PPP2R2C: variants seen among roughly 807,000 people sequenced by gnomAD.
The protein encoded by PPP2R2C is protein phosphatase 2 regulatory subunit Bgamma.
PPP2R2C carries 10 observed loss-of-function variants against 45.3 expected under a neutral mutation model. The observed-to-expected ratio is 0.22, with a 90% CI of 0.14 to 0.37. The LOEUF is 0.37. Among genes scored for constraint, PPP2R2C ranks in the 10% least tolerant of loss-of-function variants. The pLI is 1.00. For missense variants in PPP2R2C, 308 were observed against 619.7 expected, an observed-to-expected ratio of 0.50 and a Z score of 5.34; for synonymous variants, 257 against 245.4, an observed-to-expected ratio of 1.05 and a Z score of -0.44.
At chr4:6,537,969 C>T (rs754871213) in intron 1 of PPP2R2C, among the ~76,000 whole-genome samples, 1 of 152,014 alleles carries the variant, frequency 6.6e-6, no homozygotes, top group Non-Finnish European at 1.5e-5. Context: ...TAGGGGTTAC[C>T]AGGGCTGGGG....
Position 6,541,848 on chromosome 4 carries a change from C to T in PPP2R2C, c.-58-6471G>A, listed in dbSNP as rs1223269980. On this transcript the variant is annotated intron_variant, in intron 1 of 9. Coordinates refer to the PPP2R2C transcript ENST00000506140. Reference sequence around the variant, plus strand: ...CCCAGCCATGTGAGTCATTTTCTAACTTTAAAAAAAGGGAGGAGGGGAACC... The same window carrying T: ...CCCAGCCATGTGAGTCATTTTCTAATTTTAAAAAAAGGGAGGAGGGGAACC... 2.0e-5 allele frequency among the ~76,000 whole-genome samples: 3 copies of T among 152,144 alleles called. No homozygotes were observed. The East Asian group carries it at 5.8e-4, about 29-fold the overall frequency.
intron 1 of PPP2R2C, among the ~76,000 whole-genome samples, chr4:6,548,119 G>A (rs143745995): frequency 1.6e-4 from 24 of 152,294 alleles, no homozygotes; most frequent in Non-Finnish European, 2.9e-4. Context: ...TCCGGAGGCT[G>A]AGGCAGGAGA....
intron 1 of PPP2R2C, among the ~76,000 whole-genome samples, chr4:6,539,468 G>T (rs934532212): frequency 6.6e-6 from 1 of 152,170 alleles, no homozygotes; most frequent in Non-Finnish European, 1.5e-5. Flanking sequence ...ATTGTGTCAC[G>T]CTTCACCGGT....
At chr4:6,339,081 C>T (rs1156550000) in intron 6 of PPP2R2C, among the ~76,000 whole-genome samples, 1 of 152,184 alleles carries the variant, frequency 6.6e-6, no homozygotes, top group East Asian at 1.9e-4. Context: ...TCTTTCTTAC[C>T]AACTCCTATA....
chr4:6,337,514 C>T (rs146543257), intron 6 of PPP2R2C, among the ~76,000 whole-genome samples: 397 of 152,202 alleles, frequency 2.6e-3, no homozygotes, highest in African/African-American at 8.4e-3. Context: ...GCCAGGGCGG[C>T]CTCTCACAGG....
chr4:6,549,459 A>C (rs1427111629), intron 1 of PPP2R2C, among the ~76,000 whole-genome samples: 1 of 152,218 alleles, frequency 6.6e-6, no homozygotes, highest in African/African-American at 2.4e-5. Context: ...ACAAAGATAC[A>C]GGGAAGGGAG....
At chr4:6,520,779 G>A (rs995817922) in intron 2 of PPP2R2C, among the ~76,000 whole-genome samples, 1 of 152,208 alleles carries the variant, frequency 6.6e-6, no homozygotes, top group Non-Finnish European at 1.5e-5. Flanking sequence ...ACGTGCCCAG[G>A]TATGCCTGCA....
chr4:6,535,455 C>T (rs1000096133), intron 1 of PPP2R2C: 26 of 976,468 alleles, frequency 2.7e-5, no homozygotes, highest in Middle Eastern at 2.2e-4. Flanking sequence ...CCACATGCAA[C>T]GCGAGCACCG....
At chr4:6,415,444 A>C (rs915254078) in intron 1 of PPP2R2C, among the ~76,000 whole-genome samples, 81 of 152,352 alleles carry the variant, frequency 5.3e-4, no homozygotes, top group African/African-American at 1.8e-3. Flanking sequence ...TCACGGTGAC[A>C]GTGACACTTT....
At chr4:6,538,085 C>T (rs560496444) in intron 1 of PPP2R2C, among the ~76,000 whole-genome samples, 1 of 152,244 alleles carries the variant, frequency 6.6e-6, no homozygotes, top group Non-Finnish European at 1.5e-5. Flanking sequence ...GAATTAGACA[C>T]TGAAAATGCT....
At chr4:6,542,709 A>AAAAAAG (rs1553908407) in intron 1 of PPP2R2C, among the ~76,000 whole-genome samples, 4 of 127,826 alleles carry the variant, frequency 3.1e-5, no homozygotes, top group African/African-American at 1.1e-4. Flanking sequence ...TCTCAAAAAA[A>AAAAAAG]AAAAAGAAAA....
In PPP2R2C at chr4:6,390,170, C is replaced by T. The variant is rs73206143; in HGVS notation, c.71-9076G>A. Among the ~76,000 whole-genome samples, 601 of 152,280 alleles carry T rather than the reference C, an allele frequency of 3.9e-3. 1 individual carries two copies. The highest frequency in any genetic ancestry group is 6.4e-3 in the Non-Finnish European group (437 of 68,020). On this transcript the variant is annotated intron_variant, in intron 1 of 8. Coordinates refer to ENST00000382599, the MANE Select transcript of PPP2R2C (RefSeq NM_020416.4). ...GACAGGGGAGAGCTGCTTAGGACCACCTTAGGTCCTGAGTGCCGGCTGCCC... is the reference window on the plus strand; with the variant it reads ...GACAGGGGAGAGCTGCTTAGGACCATCTTAGGTCCTGAGTGCCGGCTGCCC...
At chr4:6,347,758 A>T in intron 6 of PPP2R2C, 88 bp downstream of exon 6, 1 of 1,437,402 alleles carries the variant, frequency 7.0e-7, no homozygotes, top group Non-Finnish European at 9.3e-7. Context: ...CACACCCACC[A>T]CCCCTGCAGC....
At chr4:6,336,211 C>T (rs1732834236) in intron 6 of PPP2R2C, among the ~76,000 whole-genome samples, 1 of 152,016 alleles carries the variant, frequency 6.6e-6, no homozygotes, top group Non-Finnish European at 1.5e-5. Context: ...CACCCCTCCA[C>T]ACGCCCCCAG....
chr4:6,351,156 A>T, intron 5 of PPP2R2C: 4 of 571,638 alleles, frequency 7.0e-6, no homozygotes, highest in Non-Finnish European at 8.8e-6. Context: ...AATAAAAAAT[A>T]AAAAAAAATT....
At chr4:6,403,678 C>T (rs532598169) in intron 1 of PPP2R2C, among the ~76,000 whole-genome samples, 118 of 152,200 alleles carry the variant, frequency 7.8e-4, no homozygotes, top group Admixed American at 8.5e-4. Context: ...GCCTGGCCAA[C>T]ATGGTGAAAC....
intron 1 of PPP2R2C, chr4:6,413,810 G>GC: frequency 2.7e-6 from 4 of 1,471,266 alleles, no homozygotes; most frequent in Non-Finnish European, 2.7e-6. Context: ...GCCACAGCTA[G>GC]CAGAGGACTG....
At chr4:6,463,127 G>C (rs1721415447) in intron 1 of PPP2R2C, among the ~76,000 whole-genome samples, 1 of 152,246 alleles carries the variant, frequency 6.6e-6, no homozygotes, top group Admixed American at 6.5e-5. Context: ...TCATGATCAT[G>C]AAAGAGCTCC....
At chr4:6,404,412 G>T (rs569796438) in intron 1 of PPP2R2C, among the ~76,000 whole-genome samples, 1 of 152,294 alleles carries the variant, frequency 6.6e-6, no homozygotes, top group South Asian at 2.1e-4. Context: ...GAAACCCTTG[G>T]GGACGGGTGC....
Sources: gnomAD v4.1 joint callset for allele counts (sites outside exome capture counted in the v4.1 genomes callset) on GRCh38, gnomAD v4.1.1 for gene constraint, MANE v1.5 for transcripts, NCBI Gene and HGNC (gene_info 2026-07-23, HGNC 2026-07-21) for gene names.